The following NPAS2 variants were observed in gnomAD, a reference collection of about 807,000 sequenced individuals.
NPAS2 encodes the protein neuronal PAS domain protein 2.
In NPAS2, 23 loss-of-function variants were observed where a neutral mutation model predicts 107.5. The ratio of observed to expected loss-of-function variants is 0.21; its 90% CI spans 0.15 to 0.30. The LOEUF (loss-of-function observed/expected upper bound fraction) is 0.30, where lower values mean the gene tolerates loss of function less well. Among genes scored for constraint, NPAS2 ranks in the 10% least tolerant of loss-of-function variants. NPAS2 has a pLI of 1.00. For synonymous variants in NPAS2, 403 were observed against 417.5 expected (o/e 0.97, Z 0.42); for missense variants, 756 against 1,043.3 (o/e 0.72, Z 3.79).
At chr2:100,935,179 T>G (rs1381348346) in intron 4 of NPAS2, 13 of 851,486 alleles carry the variant, frequency 1.5e-5, no homozygotes, top group African/African-American at 1.8e-5. Context: ...TTGGAGCAGT[T>G]GCACTCAAAA....
chr2:100,901,389 T>C (rs1573579591), intron 1 of NPAS2: 2 of 220,796 alleles, frequency 9.1e-6, no homozygotes, highest in African/African-American at 4.7e-5. Context: ...AGTTGCTAGG[T>C]GCAGATGCCT....
chr2:100,863,865 CCTT>C (rs1679089970), intron 1 of NPAS2, among the ~76,000 whole-genome samples: 1 of 152,260 alleles, frequency 6.6e-6, no homozygotes, highest in Non-Finnish European at 1.5e-5. Context: ...CTGCAGATCT[CCTT>C]CTCTCTCTCT....
In NPAS2 at chr2:100,860,362, G is replaced by A. The variant is rs12619609; in HGVS notation, c.-23+39948G>A. Among the ~76,000 whole-genome samples, 890 of 152,328 alleles carry A rather than the reference G, an allele frequency of 5.8e-3. 52 individuals are homozygous for A. The East Asian group carries it at 0.14, about 23-fold the overall frequency. ...ATGCTGTTGATTAGTCCCATGACTG[G>A]TGATGTTAACTTTGATCTCTTGATT... On this transcript the variant is annotated intron_variant, in intron 1 of 20. Coordinates refer to ENST00000335681, the MANE Select transcript of NPAS2 (RefSeq NM_002518.4).
chr2:100,909,094 C>T (rs1219141357), intron 2 of NPAS2, among the ~76,000 whole-genome samples: 2 of 152,112 alleles, frequency 1.3e-5, no homozygotes. Context: ...TTCTGGTCCC[C>T]CTGGGGTGGA....
intron 1 of NPAS2, among the ~76,000 whole-genome samples, chr2:100,862,180 A>G (rs887227735): frequency 6.6e-6 from 1 of 152,208 alleles, no homozygotes; most frequent in Non-Finnish European, 1.5e-5. Flanking sequence ...TCTCAAAGAA[A>G]GCTGTAGTCA....
chr2:100,913,462 A>G (rs1203210341), intron 2 of NPAS2, among the ~76,000 whole-genome samples: 1 of 152,154 alleles, frequency 6.6e-6, no homozygotes, highest in Non-Finnish European at 1.5e-5. Flanking sequence ...AAAAGATGGC[A>G]CCCTTGGGAA....
At chr2:100,948,884 C>T (rs912433653) in intron 6 of NPAS2, among the ~76,000 whole-genome samples, 3 of 152,310 alleles carry the variant, frequency 2.0e-5, no homozygotes, top group Admixed American at 1.3e-4. Context: ...CTTGATGCCT[C>T]GTGAACCACG....
At chr2:100,932,804 C>A in intron 3 of NPAS2, 106 bp from the exon 4 acceptor site, 2 of 786,154 alleles carry the variant, frequency 2.5e-6, no homozygotes, top group Non-Finnish European at 2.2e-6. Flanking sequence ...AATTAAACTA[C>A]ACAGAAGTTT....
In NPAS2 at chr2:100,933,016, CA is replaced by C. The variant is rs770715963; in HGVS notation, c.273+19del. ...TGATGTTGGAGGTGAAATGCACTTTCAAAATAGCTTAAACAGTTGCCAGTTA... is the reference window on the plus strand; with the variant it reads ...TGATGTTGGAGGTGAAATGCACTTTCAAATAGCTTAAACAGTTGCCAGTTA... On this transcript the variant is annotated intron_variant, in intron 4 of 20. Transcript: ENST00000335681. 3.8e-6 allele frequency: 6 copies of C among 1,581,838 alleles called. No individual in the cohort carries two copies. The East Asian group carries it at 1.3e-4, about 35-fold the overall frequency.
chr2:100,876,464 G>A (rs1044501587), intron 1 of NPAS2, among the ~76,000 whole-genome samples: 2 of 152,212 alleles, frequency 1.3e-5, no homozygotes, highest in East Asian at 3.8e-4. Flanking sequence ...TTCGGACCTG[G>A]CCTTTCCATT....
At chr2:100,916,896 A>C (rs1165565350) in intron 2 of NPAS2, among the ~76,000 whole-genome samples, 5 of 152,234 alleles carry the variant, frequency 3.3e-5, no homozygotes, top group African/African-American at 7.2e-5. Flanking sequence ...CACATCTTGG[A>C]AATTAAACAA....
intron 18 of NPAS2, 84 bp downstream of exon 18, chr2:100,990,530 G>C (rs1321997630): frequency 3.5e-6 from 5 of 1,425,520 alleles, no homozygotes; most frequent in Non-Finnish European, 4.9e-6. Context: ...TTTAGACGGA[G>C]GCAGAGTTCA....
intron 14 of NPAS2, chr2:100,977,094 T>G (rs1677066674): frequency 1.3e-5 from 2 of 151,684 alleles, no homozygotes; most frequent in African/African-American, 4.8e-5. Context: ...GTGTTTCATT[T>G]CTTGTTACTA....
intron 1 of NPAS2, among the ~76,000 whole-genome samples, chr2:100,901,275 C>T (rs960172876): frequency 1.4e-4 from 21 of 152,088 alleles, no homozygotes; most frequent in Admixed American, 1.2e-3. Context: ...ATACGGTTGT[C>T]ACTCATTTTG....
chr2:100,885,490 G>T (rs1680645111), intron 1 of NPAS2, among the ~76,000 whole-genome samples: 1 of 152,124 alleles, frequency 6.6e-6, no homozygotes, highest in Non-Finnish European at 1.5e-5. Flanking sequence ...TTGTTCCAAA[G>T]ATCTGATAGT....
At chr2:100,914,158 G>A (rs144704301) in intron 2 of NPAS2, among the ~76,000 whole-genome samples, 73 of 152,268 alleles carry the variant, frequency 4.8e-4, no homozygotes, top group African/African-American at 1.5e-3. Flanking sequence ...AAACCCAAGG[G>A]GTATGGGTGT....
Position 100,937,970 on chromosome 2 carries a change from GGACTGCT to G in NPAS2, c.363+131_363+137del, listed in dbSNP as rs1486165830. On this transcript the variant is annotated intron_variant, in intron 5 of 20. Coordinates refer to ENST00000335681, the MANE Select transcript of NPAS2 (RefSeq NM_002518.4). ...AGGTGAGAAGAGGGCGGAGAGTAAAGGACTGCTGAGTTTTGGGGACAGGACCAGGCCG... is the reference window on the plus strand; with the variant it reads ...AGGTGAGAAGAGGGCGGAGAGTAAAGGAGTTTTGGGGACAGGACCAGGCCG... 68 of 794,214 alleles carry G rather than the reference GGACTGCT, an allele frequency of 8.6e-5. No homozygotes were observed. In the East Asian group the frequency reaches 1.4e-3, roughly 16 times the overall value. 49.2% of individuals were successfully genotyped at this position (794,214 alleles called of 1,614,324 possible).
intron 3 of NPAS2, among the ~76,000 whole-genome samples, chr2:100,930,416 C>T (rs1034662920): frequency 1.1e-4 from 16 of 152,260 alleles, no homozygotes; most frequent in African/African-American, 3.4e-4. Flanking sequence ...CAGGAGCAGT[C>T]GGGAGTTGAG....
At chr2:100,945,415 G>T (rs910318929) in intron 5 of NPAS2, among the ~76,000 whole-genome samples, 2 of 152,194 alleles carry the variant, frequency 1.3e-5, no homozygotes, top group African/African-American at 4.8e-5. Flanking sequence ...CTGGGACTCT[G>T]TCTGCTCCTC....
Sources: allele counts gnomAD v4.1 joint callset (sites outside exome capture counted in the v4.1 genomes callset), GRCh38; gene constraint gnomAD v4.1.1; transcripts MANE v1.5; gene names NCBI Gene and HGNC (gene_info 2026-07-23, HGNC 2026-07-21).